The following SARNP variants were observed in gnomAD, a reference collection of about 807,000 sequenced individuals.
SARNP encodes SAP domain containing ribonucleoprotein.
Under a neutral mutation model 38.1 loss-of-function variants are expected in SARNP, and 5 were observed. The observed-to-expected ratio is 0.13, with a 90% CI of 0.07 to 0.28. The LOEUF is 0.28. Among genes scored for constraint, SARNP ranks in the 10% least tolerant of loss-of-function variants. The pLI is 1.00. For missense variants in SARNP, 180 were observed against 243.9 expected, an observed-to-expected ratio of 0.74 and a Z score of 1.75; for synonymous variants, 84 against 80.6, an observed-to-expected ratio of 1.04 and a Z score of -0.23.
At chr12:55,769,319 C>G (rs925032310) in intron 9 of SARNP, among the ~76,000 whole-genome samples, 2 of 152,124 alleles carry the variant, frequency 1.3e-5, no homozygotes, top group African/African-American at 4.8e-5. Flanking sequence ...GGGTCAGGTA[C>G]TGGGAATACA....
At chr12:55,805,600 A>G (rs1465867339) in intron 1 of SARNP, among the ~76,000 whole-genome samples, 2 of 152,108 alleles carry the variant, frequency 1.3e-5, no homozygotes, top group Non-Finnish European at 2.9e-5. Flanking sequence ...TAATCCCAGC[A>G]CTTTGGGGGG....
intron 9 of SARNP, among the ~76,000 whole-genome samples, chr12:55,767,166 G>GT (rs771143533): frequency 1.3e-5 from 2 of 152,122 alleles, no homozygotes; most frequent in Non-Finnish European, 2.9e-5. Flanking sequence ...TTTTATTGCC[G>GT]TATTTCTCCT....
At chr12:55,788,658 G>C (rs1362340474) in intron 9 of SARNP, among the ~76,000 whole-genome samples, 2 of 152,084 alleles carry the variant, frequency 1.3e-5, no homozygotes, top group Non-Finnish European at 2.9e-5. Flanking sequence ...AATTAGCTGG[G>C]CATGGTGGCA....
At chr12:55,766,850 A>G (rs954300700) in intron 9 of SARNP, among the ~76,000 whole-genome samples, 2 of 151,954 alleles carry the variant, frequency 1.3e-5, no homozygotes, top group Non-Finnish European at 2.9e-5. Context: ...TTGAACTCCT[A>G]AGCTCAAGCA....
chr12:55,790,396 C>T (rs375826236), intron 8 of SARNP, among the ~76,000 whole-genome samples, 171 bp downstream of exon 8: 3 of 152,244 alleles, frequency 2.0e-5, no homozygotes, highest in African/African-American at 7.2e-5. Flanking sequence ...TTTTCCTGAC[C>T]TCTCAGTATC....
intron 9 of SARNP, 190 bp from the exon 10 acceptor site, chr12:55,760,830 T>C: frequency 1.9e-6 from 1 of 522,172 alleles, no homozygotes. Context: ...CTAGAATGAC[T>C]AAAAACTTAA....
intron 9 of SARNP, among the ~76,000 whole-genome samples, chr12:55,777,168 A>C (rs932940095): frequency 1.3e-5 from 2 of 152,172 alleles, no homozygotes; most frequent in Admixed American, 1.3e-4. Flanking sequence ...AAATTCAATG[A>C]ATGAAATCAG....
chr12:55,816,943 GT>G (rs1409806712), intron 1 of SARNP, among the ~76,000 whole-genome samples: 2 of 152,162 alleles, frequency 1.3e-5, no homozygotes, highest in Non-Finnish European at 2.9e-5. Context: ...CCTTGGAATT[GT>G]TTTTCCCAAA....
chr12:55,809,751 A>G (rs1880269518), intron 1 of SARNP, among the ~76,000 whole-genome samples: 1 of 19,492 alleles, frequency 5.1e-5, no homozygotes, highest in African/African-American at 5.7e-5. Flanking sequence ...CTCAAAAAAC[A>G]AAAAAAAAAA....
intron 9 of SARNP, among the ~76,000 whole-genome samples, chr12:55,784,259 T>A (rs116648366): frequency 1.5e-3 from 225 of 152,302 alleles, no homozygotes; most frequent in African/African-American, 5.2e-3. Context: ...TATAGAAGGC[T>A]ACACTGGAAC....
intron 9 of SARNP, among the ~76,000 whole-genome samples, chr12:55,774,579 C>CAA (rs71074858): frequency 1.2e-4 from 13 of 106,320 alleles, no homozygotes; most frequent in African/African-American, 2.4e-4. Context: ...AAAAAACAAA[C>CAA]AAAAAAAAAA....
chr12:55,798,459 C>G (rs1879881927), intron 4 of SARNP, among the ~76,000 whole-genome samples: 1 of 152,204 alleles, frequency 6.6e-6, no homozygotes, highest in South Asian at 2.1e-4. Context: ...GATTGTGCCA[C>G]TGCACTCCAG....
At chr12:55,800,732 T>C in intron 3 of SARNP, 103 bp from the exon 4 acceptor site, 1 of 1,264,794 alleles carries the variant, frequency 7.9e-7, no homozygotes, top group Admixed American at 1.7e-5. Context: ...CTCAGAACCT[T>C]CATACCCATC....
rs1053566408 is a variant in SARNP, at chr12:55,813,396, C to T, written c.36+4270G>A. Among the ~76,000 whole-genome samples the T allele has an allele frequency of 1.1e-4, 16 of 152,080 alleles. No homozygotes were observed. In the East Asian group the frequency reaches 1.9e-3, roughly 18 times the overall value. Reference sequence around the variant, plus strand: ...GGGGTGTAGTAATTAATTAGATAAACGTGTTAGGGAGGAAGGGCAGCCGGA... The same window carrying T: ...GGGGTGTAGTAATTAATTAGATAAATGTGTTAGGGAGGAAGGGCAGCCGGA... On this transcript the variant is annotated intron_variant, in intron 1 of 10. Coordinates refer to ENST00000336133, the MANE Select transcript of SARNP (RefSeq NM_033082.4).
chr12:55,801,702 C>A (rs1879984096), intron 2 of SARNP, among the ~76,000 whole-genome samples: 1 of 152,144 alleles, frequency 6.6e-6, no homozygotes, highest in Non-Finnish European at 1.5e-5. Context: ...CCTGCAGCCT[C>A]CCCCTCCTGG....
intron 10 of SARNP, among the ~76,000 whole-genome samples, chr12:55,758,445 G>C (rs1036379911): frequency 3.9e-5 from 6 of 152,114 alleles, no homozygotes; most frequent in African/African-American, 1.4e-4. Context: ...AGGAGTTCAA[G>C]ACCAGCCTGA....
At chr12:55,806,634 C>T (rs1880153275) in intron 1 of SARNP, among the ~76,000 whole-genome samples, 1 of 151,894 alleles carries the variant, frequency 6.6e-6, no homozygotes. Context: ...TGCAATGGCA[C>T]GACCTCAGCT....
intron 9 of SARNP, among the ~76,000 whole-genome samples, chr12:55,770,703 T>C (rs1439325531): frequency 1.3e-5 from 2 of 152,148 alleles, no homozygotes; most frequent in Non-Finnish European, 2.9e-5. Flanking sequence ...CAGAGTACCA[T>C]TACTATGTCT....
intron 9 of SARNP, among the ~76,000 whole-genome samples, chr12:55,764,502 G>A (rs1280007159): frequency 6.9e-6 from 1 of 144,478 alleles, no homozygotes; most frequent in African/African-American, 2.6e-5. Context: ...TTGCACTCCA[G>A]CCTGGGCAAC....
Sources: allele counts gnomAD v4.1 joint callset (sites outside exome capture counted in the v4.1 genomes callset), GRCh38; gene constraint gnomAD v4.1.1; transcripts MANE v1.5; gene names NCBI Gene and HGNC (gene_info 2026-07-23, HGNC 2026-07-21).